The following MIER2 variants were observed in gnomAD, a reference collection of about 807,000 sequenced individuals.
MIER2 encodes MIER family member 2, also known as mesoderm induction early response protein 2.
A neutral mutation model predicts 67.6 loss-of-function variants in MIER2; 30 were observed. The ratio of observed to expected loss-of-function variants is 0.44; its 90% CI spans 0.33 to 0.60. The LOEUF is 0.60. Ranked by LOEUF, MIER2 falls within the 20% of genes least tolerant of loss-of-function variation. The pLI, the probability that MIER2 is intolerant of heterozygous loss-of-function variation, is 0.02. For synonymous variants in MIER2, 372 were observed against 312.6 expected, an observed-to-expected ratio of 1.19 and a Z score of -2.00; for missense variants, 702 against 745.1, an observed-to-expected ratio of 0.94 and a Z score of 0.67.
intron 3 of MIER2, among the ~76,000 whole-genome samples, chr19:330,044 C>G (rs542887715): frequency 2.0e-5 from 3 of 152,078 alleles, no homozygotes; most frequent in African/African-American, 7.2e-5. Flanking sequence ...AGTGGTGAGA[C>G]GAAGAGGCTG....
chr19:322,293 A>G (rs1015324692), intron 7 of MIER2, among the ~76,000 whole-genome samples: 9 of 152,334 alleles, frequency 5.9e-5, no homozygotes, highest in Middle Eastern at 3.4e-3. Flanking sequence ...ACGTGGAAGA[A>G]TATCTCCAAG....
At chr19:342,703 T>C (rs1265820378) in intron 1 of MIER2, among the ~76,000 whole-genome samples, 5 of 151,542 alleles carry the variant, frequency 3.3e-5, no homozygotes, top group Non-Finnish European at 5.9e-5. Flanking sequence ...TAGCTAGTAC[T>C]GATCACGTGC....
At chr19:318,801 A>C (rs896705423) in intron 7 of MIER2, among the ~76,000 whole-genome samples, 2 of 152,178 alleles carry the variant, frequency 1.3e-5, no homozygotes, top group East Asian at 3.9e-4. Flanking sequence ...TCACACCTGT[A>C]ATCCCAACAC....
At chr19:324,848 C>T (rs981661756) in intron 7 of MIER2, among the ~76,000 whole-genome samples, 5 of 152,206 alleles carry the variant, frequency 3.3e-5, no homozygotes, top group East Asian at 1.9e-4. Flanking sequence ...GGTGAGGGTC[C>T]CAAGTGTCCC....
At chr19:314,728 C>G (rs1282160079) in intron 7 of MIER2, among the ~76,000 whole-genome samples, 1 of 151,964 alleles carries the variant, frequency 6.6e-6, no homozygotes, top group Non-Finnish European at 1.5e-5. Flanking sequence ...TCCAAGAAAA[C>G]AGCAGACCAT....
intron 10 of MIER2, among the ~76,000 whole-genome samples, chr19:310,715 G>GAAACGGCCCA (rs1160851510): frequency 2.7e-5 from 4 of 148,320 alleles, no homozygotes; most frequent in African/African-American, 1.0e-4. Context: ...CGGAGCTATA[G>GAAACGGCCCA]GAACATGGCC....
At chr19:315,250 C>T (rs948888856) in intron 7 of MIER2, among the ~76,000 whole-genome samples, 27 of 151,852 alleles carry the variant, frequency 1.8e-4, no homozygotes, top group African/African-American at 5.3e-4. Flanking sequence ...CTGTAATCTC[C>T]GCTACTCGGG....
intron 3 of MIER2, 76 bp downstream of exon 3, chr19:334,324 G>A: frequency 6.3e-7 from 1 of 1,585,142 alleles, no homozygotes; most frequent in Non-Finnish European, 8.6e-7. Context: ...TGTGGAATCT[G>A]AGCTGCACAA....
intron 10 of MIER2, among the ~76,000 whole-genome samples, chr19:309,194 C>T (rs1970807483): frequency 6.6e-6 from 1 of 152,156 alleles, no homozygotes; most frequent in South Asian, 2.1e-4. Context: ...GACCCCTTTC[C>T]CTTCTGTAGC....
intron 7 of MIER2, among the ~76,000 whole-genome samples, chr19:325,183 T>C (rs1325140082): frequency 1.3e-5 from 2 of 152,128 alleles, no homozygotes; most frequent in South Asian, 2.1e-4. Context: ...TTTTGAACTC[T>C]AGTGGGAAAG....
At chr19:335,080 T>C (rs908776775) in intron 2 of MIER2, among the ~76,000 whole-genome samples, 11 of 152,238 alleles carry the variant, frequency 7.2e-5, no homozygotes, top group African/African-American at 2.2e-4. Flanking sequence ...GGCCCAACAG[T>C]TGACGGCTGT....
chr19:343,704 T>C (rs1789255857), intron 1 of MIER2: 5 of 434,660 alleles, frequency 1.2e-5, no homozygotes, highest in South Asian at 9.7e-5. Flanking sequence ...ATCCCAGAGA[T>C]AGGATCAGCT....
At position 327,930 on chromosome 19, in the gene MIER2, G is replaced by A. The variant is rs779431208; in HGVS notation, c.303C>T (p.Pro101=). Residue 101 remains proline (P), a synonymous_variant, in exon 4 of 14, where the codon CCC becomes CCT. Coordinates refer to ENST00000264819, the MANE Select transcript of MIER2 (RefSeq NM_017550.3). Reference sequence around the variant, plus strand: ...CACCCTCACTCTCCCGGTCTGAAATGGGGTCTGACGCCTCGTAGCCATAGA... The same window carrying A: ...CACCCTCACTCTCCCGGTCTGAAATAGGGTCTGACGCCTCGTAGCCATAGA... ...LALYGYEASD[P]ISDRESEGGD... is the part of the protein sequence containing the mutation. 5.6e-6 allele frequency: 9 copies of A among 1,613,094 alleles called. No individual in the cohort carries two copies. The highest frequency in any genetic ancestry group is 2.2e-5 in the South Asian group (2 of 91,036).
At chr19:310,617 C>CGGCCCAGAGTCCAGAA (rs1970935079) in intron 10 of MIER2, among the ~76,000 whole-genome samples, 4 of 146,922 alleles carry the variant, frequency 2.7e-5, no homozygotes, top group African/African-American at 1.0e-4. Context: ...GCTATAGAAA[C>CGGCCCAGAGTCCAGAA]ACAGCCCGGA....
chr19:339,383 A>G (rs901716184), intron 1 of MIER2, among the ~76,000 whole-genome samples: 12 of 152,202 alleles, frequency 7.9e-5, no homozygotes, highest in African/African-American at 2.9e-4. Flanking sequence ...AAAAGCAAGC[A>G]AAGTCCACAC....
chr19:321,643 C>CA (rs993268786), intron 7 of MIER2, among the ~76,000 whole-genome samples: 128 of 143,800 alleles, frequency 8.9e-4, no homozygotes, highest in Middle Eastern at 3.6e-3. Flanking sequence ...GACTCCATCT[C>CA]AAAAAAAAAA....
intron 1 of MIER2, among the ~76,000 whole-genome samples, chr19:341,561 C>G (rs1283360050): frequency 2.6e-5 from 4 of 152,152 alleles, no homozygotes; most frequent in Non-Finnish European, 4.4e-5. Context: ...CTTCATGGAT[C>G]TTCTTCCTCC....
At position 323,188 on chromosome 19, in the gene MIER2, A is replaced by G. The variant is rs935082641; in HGVS notation, c.655+2447T>C. ...ACTCAAATGACACAGACGTCATCAC[A>G]ATGCAATATACAAGACACACACAAC... On this transcript the variant is annotated intron_variant, in intron 7 of 13. Coordinates refer to ENST00000264819, the MANE Select transcript of MIER2 (RefSeq NM_017550.3). Among the ~76,000 whole-genome samples, 17 of 151,426 alleles carry G rather than the reference A, an allele frequency of 1.1e-4. 1 individual carries two copies. The highest frequency in any genetic ancestry group is 6.3e-3 in the Middle Eastern group (2 of 316).
intron 7 of MIER2, among the ~76,000 whole-genome samples, chr19:317,725 T>C (rs1331496291): frequency 1.2e-4 from 16 of 130,844 alleles, no homozygotes; most frequent in Non-Finnish European, 2.4e-4. Flanking sequence ...AGTGAGACTC[T>C]GTCTCAAAAA....
Sources: gnomAD v4.1 joint callset for allele counts (sites outside exome capture counted in the v4.1 genomes callset) on GRCh38, gnomAD v4.1.1 for gene constraint, MANE v1.5 for transcripts, NCBI Gene and HGNC (gene_info 2026-07-23, HGNC 2026-07-21) for gene names.